EXOC6B: variants seen among roughly 807,000 people sequenced by gnomAD.
EXOC6B encodes SEC15 homolog B.
Under a neutral mutation model 113.5 loss-of-function variants are expected in EXOC6B, and 54 were observed. That is an observed-to-expected ratio of 0.48 (90% CI 0.38 to 0.60). The LOEUF (loss-of-function observed/expected upper bound fraction) is 0.60, where lower values mean the gene tolerates loss of function less well. EXOC6B is among the 20% of genes least tolerant of loss of function. The pLI is 0.00. For missense variants in EXOC6B, 797 were observed against 977.5 expected (o/e 0.82, Z 2.46); for synonymous variants, 357 against 339.0 (o/e 1.05, Z -0.58).
intron 20 of EXOC6B, among the ~76,000 whole-genome samples, chr2:72,238,337 T>C (rs1447652403): frequency 6.6e-6 from 1 of 152,262 alleles, no homozygotes; most frequent in African/African-American, 2.4e-5. Flanking sequence ...TTTCATTTGT[T>C]GGCTATTATA....
rs996144630 is a variant in EXOC6B, at chr2:72,700,192, G to A, written c.669+17911C>T. 2.0e-5 allele frequency among the ~76,000 whole-genome samples: 3 copies of A among 150,366 alleles called. No homozygotes were observed. The East Asian group carries it at 5.8e-4, about 29-fold the overall frequency. On this transcript the variant is annotated intron_variant, in intron 6 of 21. Transcript: ENST00000272427. The stretch of plus-strand genomic sequence containing the variant: ...TCATCGGCCACTGGCTGAATCTGTG[G>A]ATTTGGAGGGATGGCTGCATCCTGT...
intron 18 of EXOC6B, among the ~76,000 whole-genome samples, chr2:72,461,036 T>G (rs1179076857): frequency 6.6e-6 from 1 of 151,674 alleles, no homozygotes; most frequent in African/African-American, 2.4e-5. Flanking sequence ...CCATAAAAAA[T>G]GATGAGTTCA....
At chr2:72,761,560 C>A (rs1367907271) in intron 1 of EXOC6B, among the ~76,000 whole-genome samples, 1 of 151,874 alleles carries the variant, frequency 6.6e-6, no homozygotes, top group Admixed American at 6.6e-5. Context: ...CTAAAATAGA[C>A]TTTTAAAGGG....
Position 72,266,918 on chromosome 2 carries a change from C to G in EXOC6B, c.2196+68029G>C, listed in dbSNP as rs897268789. ...GAATGTTCTTCCATTTGTTTGTCTC[C>G]TCTTTTATTTCATTGAGCAGTGGTT... On this transcript the variant is annotated intron_variant, in intron 20 of 21. Coordinates refer to ENST00000272427, the MANE Select transcript of EXOC6B (RefSeq NM_015189.3). Among the ~76,000 whole-genome samples, 7 of 152,230 alleles carry G rather than the reference C, an allele frequency of 4.6e-5. 1 individual carries two copies. Among genetic ancestry groups the G allele is most frequent in the African/African-American group, 1.7e-4 (7 of 41,528 alleles).
At position 72,547,597 on chromosome 2, in the gene EXOC6B, T is replaced by C. The variant is rs138000449; in HGVS notation, c.915+11856A>G. Among the ~76,000 whole-genome samples, 267 of 152,286 alleles carry C rather than the reference T, an allele frequency of 1.8e-3. 1 individual carries two copies. The highest frequency in any genetic ancestry group is 3.9e-3 in the South Asian group (19 of 4,828). ...CACCTAAGCTACTTGTTATGGGATG[T>C]ACATACACCCTTCCAGTGATAGAAG... On this transcript the variant is annotated intron_variant, in intron 8 of 21. Coordinates refer to ENST00000272427, the MANE Select transcript of EXOC6B (RefSeq NM_015189.3).
chr2:72,790,646 T>TA (rs1232214386), intron 1 of EXOC6B, among the ~76,000 whole-genome samples: 4 of 152,148 alleles, frequency 2.6e-5, no homozygotes, highest in African/African-American at 9.7e-5. Flanking sequence ...CCAAAACTAC[T>TA]ACGTAGAAAA....
At chr2:72,748,448 T>G (rs1017681931) in intron 1 of EXOC6B, among the ~76,000 whole-genome samples, 25 of 152,052 alleles carry the variant, frequency 1.6e-4, no homozygotes, top group Admixed American at 9.8e-4. Flanking sequence ...GTCTATCAGT[T>G]TAATTCCAAC....
intron 1 of EXOC6B, among the ~76,000 whole-genome samples, chr2:72,749,278 G>A (rs1681892530): frequency 6.6e-6 from 1 of 152,070 alleles, no homozygotes; most frequent in African/African-American, 2.4e-5. Flanking sequence ...ACACTTGGTA[G>A]GTTAGCTCTG....
chr2:72,820,420 A>G (rs1025309173), intron 1 of EXOC6B, among the ~76,000 whole-genome samples: 3 of 152,200 alleles, frequency 2.0e-5, no homozygotes, highest in Non-Finnish European at 2.9e-5. Flanking sequence ...TTTATGTTAC[A>G]TAAGACTGAG....
At chr2:72,296,779 AC>A (rs1206837614) in intron 20 of EXOC6B, among the ~76,000 whole-genome samples, 1 of 152,144 alleles carries the variant, frequency 6.6e-6, no homozygotes, top group East Asian at 1.9e-4. Context: ...CAAGATAAAC[AC>A]AATGGTTTTC....
intron 6 of EXOC6B, among the ~76,000 whole-genome samples, chr2:72,659,459 T>C (rs1674844701): frequency 6.6e-6 from 1 of 152,152 alleles, no homozygotes; most frequent in Admixed American, 6.5e-5. Context: ...TATTTTATCT[T>C]AAGAAAATTG....
At chr2:72,498,079 T>C (rs1018146680) in intron 13 of EXOC6B, among the ~76,000 whole-genome samples, 1 of 152,150 alleles carries the variant, frequency 6.6e-6, no homozygotes, top group Non-Finnish European at 1.5e-5. Context: ...CAAATGTTAC[T>C]CACTATAATT....
intron 18 of EXOC6B, among the ~76,000 whole-genome samples, chr2:72,436,251 T>A (rs1262152127): frequency 6.6e-6 from 1 of 152,226 alleles, no homozygotes; most frequent in African/African-American, 2.4e-5. Context: ...ATTGTAGGGT[T>A]TCTGCAGAGA....
chr2:72,598,712 A>T (rs1028243557), intron 6 of EXOC6B, among the ~76,000 whole-genome samples: 3 of 152,076 alleles, frequency 2.0e-5, no homozygotes, highest in African/African-American at 7.2e-5. Flanking sequence ...AACATAAGTG[A>T]GACTATCACT....
intron 18 of EXOC6B, among the ~76,000 whole-genome samples, chr2:72,397,732 T>G (rs929284609): frequency 4.6e-5 from 7 of 151,912 alleles, no homozygotes; most frequent in Non-Finnish European, 8.8e-5. Flanking sequence ...CTAATAAGTA[T>G]GTGAAATTCA....
chr2:72,448,841 C>T (rs757043427), intron 18 of EXOC6B, among the ~76,000 whole-genome samples: 6 of 152,188 alleles, frequency 3.9e-5, no homozygotes, highest in Admixed American at 2.0e-4. Flanking sequence ...TTAGTGTAAG[C>T]TTCTGCCCAG....
intron 20 of EXOC6B, among the ~76,000 whole-genome samples, chr2:72,187,636 C>T (rs550811109): frequency 4.6e-5 from 7 of 152,162 alleles, no homozygotes; most frequent in African/African-American, 1.4e-4. Flanking sequence ...TGCAGCTGGT[C>T]GTCCTGTTGT....
At chr2:72,219,432 T>C (rs1287875185) in intron 20 of EXOC6B, among the ~76,000 whole-genome samples, 1 of 152,158 alleles carries the variant, frequency 6.6e-6, no homozygotes, top group Admixed American at 6.5e-5. Flanking sequence ...CAATACTGCT[T>C]GAGTTCATAC....
At chr2:72,699,403 A>T (rs1678130630) in intron 6 of EXOC6B, among the ~76,000 whole-genome samples, 1 of 151,466 alleles carries the variant, frequency 6.6e-6, no homozygotes, top group Admixed American at 6.6e-5. Context: ...ACTTGAACCC[A>T]GGAGGCAGAG....
Sources: gnomAD v4.1 joint callset for allele counts (sites outside exome capture counted in the v4.1 genomes callset) on GRCh38, gnomAD v4.1.1 for gene constraint, MANE v1.5 for transcripts, NCBI Gene and HGNC (gene_info 2026-07-23, HGNC 2026-07-21) for gene names.